The following SIAE variants were observed in gnomAD, a reference collection of about 807,000 sequenced individuals.
SIAE encodes the protein sialate O-acetylesterase.
A neutral mutation model predicts 52.6 loss-of-function variants in SIAE; 39 were observed. That is an observed-to-expected ratio of 0.74 (90% CI 0.57 to 0.97). The LOEUF (loss-of-function observed/expected upper bound fraction) is 0.97. Among genes scored for constraint, SIAE ranks in the 50% least tolerant of loss-of-function variants. The pLI is 0.00. For missense variants in SIAE, 592 were observed against 662.1 expected (o/e 0.89, Z 1.16); for synonymous variants, 233 against 241.4 (o/e 0.97, Z 0.32).
chr11:124,673,691 A>C lies in SIAE; in HGVS notation c.18T>G (p.Leu6=). 6.2e-7 allele frequency: 1 copy of C among 1,613,570 alleles called. No homozygotes were observed. Among genetic ancestry groups the C allele is most frequent in the Middle Eastern group, 1.7e-4 (1 of 6,060 alleles). ...TTAATGGCAGCACCAGCCCGAGTAC[A>C]AGCCCCGGCGCGACCATGCTTGCAA... The part of the protein sequence containing the change: MVAPG[L]VLGLVLPLIL... Residue 6 remains leucine (L), a synonymous_variant, in exon 1 of 10, where the codon CTT becomes CTG. Transcript: ENST00000263593.
chr11:124,675,304 C>A, upstream of SIAE: 2 of 1,614,150 alleles, frequency 1.2e-6, no homozygotes, highest in Non-Finnish European at 1.7e-6. Context: ...CCGAATTCCA[C>A]AAGGATTTGG....
chr11:124,639,779 T>C lies in SIAE; in HGVS notation c.1055A>G (p.Asn352Ser), dbSNP rs1942814270. The C allele has an allele frequency of 3.1e-6, 5 of 1,614,038 alleles. No homozygotes were observed. The highest frequency in any genetic ancestry group is 4.2e-6 in the Non-Finnish European group (5 of 1,180,030). The change falls in exon 8 of 10, where the codon AAC (asparagine) becomes AGC (serine). Residue 352 changes from asparagine (N) to serine (S), a missense_variant. Transcript: ENST00000263593. ...HQTADFGYVP[N>S]PKMPNTFMAV... is the part of the protein sequence containing the mutation. ...CATGAAAGTATTGGGCATCTTTGGGTTGGGGACATAGCCGAAGTCTGCTGT... is the reference window on the plus strand; with the variant it reads ...CATGAAAGTATTGGGCATCTTTGGGCTGGGGACATAGCCGAAGTCTGCTGT...
At chr11:124,652,711 A>AG (rs1349662924) in intron 4 of SIAE, among the ~76,000 whole-genome samples, 6 of 145,604 alleles carry the variant, frequency 4.1e-5, no homozygotes, top group African/African-American at 5.3e-5. Context: ...AAAAAAAAAA[A>AG]GGGGGAAGAG....
intron 3 of SIAE, chr11:124,659,350 C>T (rs1443469907): frequency 6.6e-6 from 1 of 152,174 alleles, no homozygotes; most frequent in Non-Finnish European, 1.5e-5. Flanking sequence ...TCCTTTCTAT[C>T]AAGAAATAAA....
At chr11:124,637,998 G>A (rs1017773057) in intron 9 of SIAE, among the ~76,000 whole-genome samples, 4 of 151,844 alleles carry the variant, frequency 2.6e-5, no homozygotes, top group Non-Finnish European at 2.9e-5. Context: ...CTCAAATATC[G>A]AAGACTCCTG....
In SIAE at chr11:124,673,688, T is replaced by C. The variant is rs1344158751; in HGVS notation, c.21A>G (p.Val7=). 1.2e-6 allele frequency: 2 copies of C among 1,613,208 alleles called. No homozygotes were observed. The highest frequency in any genetic ancestry group is 2.7e-5 in the African/African-American group (2 of 74,784). MVAPGL[V]LGLVLPLILW... is the part of the protein sequence containing the mutation. ...GGATTAATGGCAGCACCAGCCCGAG[T>C]ACAAGCCCCGGCGCGACCATGCTTG... The change falls in exon 1 of 10, where the codon GTA becomes GTG. Residue 7 remains valine, a synonymous_variant. Coordinates refer to ENST00000263593, the MANE Select transcript of SIAE (RefSeq NM_170601.5).
In SIAE at chr11:124,635,840, A is replaced by G. The variant is rs1043207480; in HGVS notation, c.*1111T>C. Reference sequence around the variant, plus strand: ...TTATTTCCAACTTCTTATAGGTAACATAATTTTCAGACAATGTTAGCTGTT... The same window carrying G: ...TTATTTCCAACTTCTTATAGGTAACGTAATTTTCAGACAATGTTAGCTGTT... On this transcript the variant is annotated 3_prime_UTR_variant, in exon 10 of 10. Coordinates refer to ENST00000263593, the MANE Select transcript of SIAE (RefSeq NM_170601.5). The G allele has an allele frequency of 2.6e-5, 4 of 152,206 alleles. No individual in the cohort carries two copies. Among genetic ancestry groups the G allele is most frequent in the Non-Finnish European group, 5.9e-5 (4 of 68,032 alleles). The allele number at this position is 152,206 out of a possible 1,614,324, so 9.4% of individuals were successfully genotyped here.
At position 124,673,696 on chromosome 11, in the gene SIAE, C is replaced by G; in HGVS notation, c.13G>C (p.Gly5Arg). The G allele has an allele frequency of 1.2e-6, 2 of 1,613,612 alleles. No individual in the cohort carries two copies. The highest frequency in any genetic ancestry group is 1.7e-6 in the Non-Finnish European group (2 of 1,179,796). Residue 5 changes from glycine (G) to arginine (R), a missense_variant, in exon 1 of 10, where the codon GGG becomes CGG. Physicochemically the swap from Gly to Arg is moderately radical, Grantham distance 125 (BLOSUM62 -2). Transcript: ENST00000263593. MVAPGLVLGLVLPLI... is the reference protein window; with the variant it reads MVAPRLVLGLVLPLI... ...GGCAGCACCAGCCCGAGTACAAGCCCCGGCGCGACCATGCTTGCAAGGATC... is the reference window on the plus strand; with the variant it reads ...GGCAGCACCAGCCCGAGTACAAGCCGCGGCGCGACCATGCTTGCAAGGATC...
chr11:124,664,092 T>A (rs904119833), intron 2 of SIAE, among the ~76,000 whole-genome samples: 1 of 152,134 alleles, frequency 6.6e-6, no homozygotes, highest in Admixed American at 6.6e-5. Flanking sequence ...TACAGCTACT[T>A]AGAGTGCTTA....
intron 9 of SIAE, 113 bp from the exon 10 acceptor site, chr11:124,637,315 G>C: frequency 1.4e-6 from 2 of 1,461,702 alleles, no homozygotes; most frequent in Non-Finnish European, 1.9e-6. Context: ...TCTTCACCAA[G>C]GACCTACTCC....
intron 1 of SIAE, among the ~76,000 whole-genome samples, chr11:124,672,940 A>C (rs907803773): frequency 1.3e-5 from 2 of 152,144 alleles, no homozygotes; most frequent in Non-Finnish European, 2.9e-5. Context: ...GCATTATCAG[A>C]CAGATTGCAC....
intron 2 of SIAE, among the ~76,000 whole-genome samples, chr11:124,668,147 C>A (rs776801168): frequency 2.6e-5 from 4 of 152,280 alleles, no homozygotes; most frequent in African/African-American, 4.8e-5. Context: ...AGTCACACAC[C>A]CCCCAGTGTT....
chr11:124,639,273 G>T (rs1161376597), intron 8 of SIAE, among the ~76,000 whole-genome samples: 1 of 152,188 alleles, frequency 6.6e-6, no homozygotes, highest in East Asian at 1.9e-4. Flanking sequence ...TATTCCTCCT[G>T]TGAGGCCAGA....
chr11:124,671,528 TG>T (rs1208535059), intron 1 of SIAE, among the ~76,000 whole-genome samples: 2 of 152,208 alleles, frequency 1.3e-5, no homozygotes, highest in African/African-American at 4.8e-5. Context: ...ACAAGTCACT[TG>T]ATTCCAAAGT....
intron 3 of SIAE, among the ~76,000 whole-genome samples, chr11:124,656,221 T>C (rs947006035): frequency 3.9e-5 from 6 of 152,248 alleles, no homozygotes; most frequent in Non-Finnish European, 7.3e-5. Flanking sequence ...TGTATTGTTT[T>C]TTCAATGTGT....
At chr11:124,673,498 G>T in intron 1 of SIAE, 144 bp downstream of exon 1, 1 of 932,802 alleles carries the variant, frequency 1.1e-6, no homozygotes, top group Non-Finnish European at 1.6e-6. Flanking sequence ...CCGGGCCTCG[G>T]TCGGAGACGC....
intron 4 of SIAE, among the ~76,000 whole-genome samples, chr11:124,652,003 A>G (rs1943024067): frequency 6.6e-6 from 1 of 152,212 alleles, no homozygotes; most frequent in African/African-American, 2.4e-5. Flanking sequence ...CTCAAGGCAG[A>G]AGAAAAAATA....
At chr11:124,644,330 C>T (rs1348749968) in intron 7 of SIAE, among the ~76,000 whole-genome samples, 1 of 139,676 alleles carries the variant, frequency 7.2e-6, no homozygotes, top group Non-Finnish European at 1.5e-5. Context: ...AGTAACAACG[C>T]CACAGGAAAG....
intron 9 of SIAE, among the ~76,000 whole-genome samples, chr11:124,638,195 A>AAAT (rs1238372885): frequency 4.6e-5 from 7 of 152,142 alleles, no homozygotes; most frequent in Non-Finnish European, 5.9e-5. Context: ...AGGATGGGGT[A>AAAT]AATATTCTGG....
Sources: gnomAD v4.1 joint callset for allele counts (sites outside exome capture counted in the v4.1 genomes callset) on GRCh38, gnomAD v4.1.1 for gene constraint, MANE v1.5 for transcripts, NCBI Gene and HGNC (gene_info 2026-07-23, HGNC 2026-07-21) for gene names.